Variants in TRIM44 observed in about 807,000 individuals in gnomAD.
The protein encoded by TRIM44 is tripartite motif containing 44.
A neutral mutation model predicts 37.4 loss-of-function variants in TRIM44; 13 were observed. The ratio of observed to expected loss-of-function variants is 0.35; its 90% CI spans 0.23 to 0.55. The LOEUF (loss-of-function observed/expected upper bound fraction) is 0.55, where lower values mean the gene tolerates loss of function less well. TRIM44 is among the 20% of genes least tolerant of loss of function. TRIM44 has a pLI of 0.89. For missense variants in TRIM44, 426 were observed against 437.2 expected (o/e 0.97, Z 0.23); for synonymous variants, 175 against 157.2 (o/e 1.11, Z -0.85).
intron 4 of TRIM44, among the ~76,000 whole-genome samples, chr11:35,790,596 T>C (rs1194665641): frequency 1.3e-5 from 2 of 152,202 alleles, no homozygotes; most frequent in African/African-American, 2.4e-5. Context: ...ACCAGACTAG[T>C]GCTGTCTCTC....
chr11:35,720,637 G>C (rs559640139), intron 2 of TRIM44, among the ~76,000 whole-genome samples: 2 of 152,230 alleles, frequency 1.3e-5, no homozygotes, highest in South Asian at 4.1e-4. Flanking sequence ...GGAAAGCCTT[G>C]AGTTTCTGAC....
chr11:35,671,153 T>A (rs1851389005), intron 1 of TRIM44, among the ~76,000 whole-genome samples: 1 of 152,204 alleles, frequency 6.6e-6, no homozygotes, highest in Non-Finnish European at 1.5e-5. Context: ...AATGAAAGTC[T>A]GTACTTCTGT....
chr11:35,780,407 T>C (rs936335860), intron 4 of TRIM44, among the ~76,000 whole-genome samples: 3 of 152,328 alleles, frequency 2.0e-5, no homozygotes, highest in East Asian at 1.9e-4. Flanking sequence ...GACTCCCTTA[T>C]ACAGCAGCTT....
intron 1 of TRIM44, among the ~76,000 whole-genome samples, chr11:35,669,138 G>T (rs532093265): frequency 1.3e-5 from 2 of 152,210 alleles, no homozygotes; most frequent in Admixed American, 6.5e-5. Flanking sequence ...CTGCTTATGG[G>T]ACTTTTCCAA....
At chr11:35,734,776 G>C (rs1852308811) in intron 3 of TRIM44, among the ~76,000 whole-genome samples, 1 of 152,176 alleles carries the variant, frequency 6.6e-6, no homozygotes, top group South Asian at 2.1e-4. Context: ...AAGTGGGCAA[G>C]AAAAAGAGAA....
At chr11:35,688,061 A>G (rs891557422) in intron 2 of TRIM44, among the ~76,000 whole-genome samples, 1 of 152,236 alleles carries the variant, frequency 6.6e-6, no homozygotes, top group Admixed American at 6.5e-5. Flanking sequence ...ATAAATTGGC[A>G]TCTTCCAAGA....
At chr11:35,682,141 C>T (rs1293312091) in intron 1 of TRIM44, among the ~76,000 whole-genome samples, 4 of 151,840 alleles carry the variant, frequency 2.6e-5, no homozygotes, top group African/African-American at 4.8e-5. Context: ...ATGCCTGTCC[C>T]GTTCCGTACC....
Position 35,726,239 on chromosome 11 carries a change from T to A in TRIM44, c.987+76T>A, listed in dbSNP as rs141028726. ...GATGCCATATTTGTTAGACCCCATG[T>A]GGTCCCTGAACGTGAATGAATTGAA... On this transcript the variant is annotated intron_variant, in intron 3 of 4. Coordinates refer to ENST00000299413, the MANE Select transcript of TRIM44 (RefSeq NM_017583.6). 8.7e-5 allele frequency: 137 copies of A among 1,565,908 alleles called. 1 individual carries two copies. The highest frequency in any genetic ancestry group is 3.7e-4 in the Admixed American group (21 of 56,972).
chr11:35,696,731 C>CA (rs1258629108), intron 2 of TRIM44, among the ~76,000 whole-genome samples: 8 of 151,600 alleles, frequency 5.3e-5, no homozygotes, highest in Non-Finnish European at 1.0e-4. Flanking sequence ...CCTGTAATCC[C>CA]AGCTGCTTGG....
intron 2 of TRIM44, among the ~76,000 whole-genome samples, chr11:35,725,066 T>TCTCTCACACA (rs371948145): frequency 7.1e-6 from 1 of 141,072 alleles, no homozygotes; most frequent in African/African-American, 2.8e-5. Context: ...ATGCACACAC[T>TCTCTCACACA]CACACACACA....
chr11:35,707,205 A>C (rs1458273017), intron 2 of TRIM44, among the ~76,000 whole-genome samples: 1 of 152,214 alleles, frequency 6.6e-6, no homozygotes, highest in Non-Finnish European at 1.5e-5. Context: ...CCAACTTACA[A>C]GGGACGTGAA....
chr11:35,674,140 C>T (rs1321614033), intron 1 of TRIM44, among the ~76,000 whole-genome samples: 3 of 151,674 alleles, frequency 2.0e-5, no homozygotes, highest in Non-Finnish European at 2.9e-5. Context: ...AGTCTTGATA[C>T]GGGGAGTAGA....
At chr11:35,775,536 CTGTCT>C (rs1565017812) in intron 4 of TRIM44, among the ~76,000 whole-genome samples, 1 of 152,162 alleles carries the variant, frequency 6.6e-6, no homozygotes. Context: ...GAGGGCATCC[CTGTCT>C]TGTGCCAGTT....
intron 4 of TRIM44, among the ~76,000 whole-genome samples, chr11:35,805,183 C>T (rs1047913559): frequency 4.6e-5 from 7 of 152,050 alleles, no homozygotes; most frequent in Admixed American, 1.3e-4. Context: ...ATCTGGAAAA[C>T]GGGGGATAAT....
chr11:35,725,870 CT>C (rs1478014195), intron 2 of TRIM44, 53 bp from the exon 3 acceptor site: 75 of 1,593,550 alleles, frequency 4.7e-5, no homozygotes, highest in Non-Finnish European at 6.2e-5. Context: ...TAACTCTGCC[CT>C]TTTGTTTCTT....
At chr11:35,766,114 GCCT>G (rs1852796236) in intron 4 of TRIM44, among the ~76,000 whole-genome samples, 1 of 152,086 alleles carries the variant, frequency 6.6e-6, no homozygotes, top group Admixed American at 6.6e-5. Context: ...TTCCAGAACA[GCCT>G]CCTCTTTTTA....
intron 2 of TRIM44, among the ~76,000 whole-genome samples, chr11:35,706,282 C>T (rs1047129002): frequency 5.3e-5 from 8 of 151,096 alleles, no homozygotes; most frequent in Non-Finnish European, 8.9e-5. Context: ...AGCTTACCAA[C>T]CAAAAAGAGT....
In TRIM44 at chr11:35,666,742, C is replaced by T. The variant is rs893158604; in HGVS notation, c.669+2962C>T. Among the ~76,000 whole-genome samples the T allele has an allele frequency of 5.3e-5, 8 of 152,216 alleles. No homozygotes were observed. In the South Asian group the frequency reaches 1.5e-3, roughly 28 times the overall value. On this transcript the variant is annotated intron_variant, in intron 1 of 4. Transcript: ENST00000299413. ...CCATTTCCCTCCAGCCTGGTCGACA[C>T]GGCAAGACCCTATCTCTAAAATAAA... is the stretch of plus-strand genomic sequence containing the variant.
At chr11:35,710,248 T>G (rs527928349) in intron 2 of TRIM44, among the ~76,000 whole-genome samples, 5 of 152,340 alleles carry the variant, frequency 3.3e-5, no homozygotes, top group African/African-American at 1.2e-4. Context: ...GCTTTATATA[T>G]ATATAGAGAG....
Sources: allele counts gnomAD v4.1 joint callset (sites outside exome capture counted in the v4.1 genomes callset), GRCh38; gene constraint gnomAD v4.1.1; transcripts MANE v1.5; gene names NCBI Gene and HGNC (gene_info 2026-07-23, HGNC 2026-07-21).